ANKFN1: variants seen among roughly 807,000 people sequenced by gnomAD.
The protein encoded by ANKFN1 is ankyrin repeat and fibronectin type III domain containing 1.
ANKFN1 carries 74 observed loss-of-function variants against 108.7 expected under a neutral mutation model. The observed-to-expected ratio is 0.68, with a 90% CI of 0.56 to 0.83. ANKFN1 has a LOEUF of 0.83. Among genes scored for constraint, ANKFN1 ranks in the 40% least tolerant of loss-of-function variants. ANKFN1 has a pLI of 0.00. For missense variants in ANKFN1, 1,505 were observed against 1,382.3 expected, an observed-to-expected ratio of 1.09 and a Z score of -1.41; for synonymous variants, 547 against 516.2, an observed-to-expected ratio of 1.06 and a Z score of -0.81.
At chr17:56,110,612 G>GTGAAGGCAAAGTGAATGAATGAA (rs1188338957) in intron 4 of ANKFN1, among the ~76,000 whole-genome samples, 9 of 152,078 alleles carry the variant, frequency 5.9e-5, no homozygotes, top group African/African-American at 1.9e-4. Context: ...GAACAAATGA[G>GTGAAGGCAAAGTGAATGAATGAA]TGAAGGCAAA....
chr17:56,466,557 C>T lies in ANKFN1; in HGVS notation c.1759C>T (p.Leu587=). ...GGAGCCAACAGCTTTAGACATTCTA[C>T]TGATAACCATCCAGGTATGTAGTTT... The part of the protein sequence containing the change: ...PEEPTALDIL[L]ITIQDILSYH... The change falls in exon 15 of 21, where the codon CTG becomes TTG. Residue 587 remains leucine, a synonymous_variant. Transcript: ENST00000682825. The T allele has an allele frequency of 6.2e-7, 1 of 1,610,876 alleles. No individual in the cohort carries two copies.
At chr17:56,175,999 T>G (rs1417552866) in intron 1 of ANKFN1, among the ~76,000 whole-genome samples, 2 of 151,886 alleles carry the variant, frequency 1.3e-5, no homozygotes, top group East Asian at 3.9e-4. Context: ...AAAAATACCT[T>G]TTTTATGATC....
At chr17:56,264,924 C>T (rs1426634041) in intron 3 of ANKFN1, among the ~76,000 whole-genome samples, 11 of 152,026 alleles carry the variant, frequency 7.2e-5, no homozygotes, top group Non-Finnish European at 1.5e-4. Flanking sequence ...ACAGCATTAC[C>T]CTTCCCCAGC....
At chr17:56,074,580 C>A (rs947876058) in intron 4 of ANKFN1, among the ~76,000 whole-genome samples, 2 of 152,204 alleles carry the variant, frequency 1.3e-5, no homozygotes, top group African/African-American at 4.8e-5. Context: ...CCCTGCTCCA[C>A]GAGCCTGAGA....
chr17:56,508,353 T>TA (rs2051636912), intron 20 of ANKFN1, among the ~76,000 whole-genome samples: 2 of 152,216 alleles, frequency 1.3e-5, no homozygotes, highest in African/African-American at 4.8e-5. Flanking sequence ...CCTACCTTTT[T>TA]AAAAATTAAA....
intron 8 of ANKFN1, among the ~76,000 whole-genome samples, chr17:56,425,389 A>T (rs932536577): frequency 3.9e-5 from 6 of 152,202 alleles, no homozygotes; most frequent in African/African-American, 1.4e-4. Context: ...CTTTAACTAC[A>T]GCATTGACTC....
In ANKFN1 at chr17:56,177,559, C is replaced by G. The variant is rs375677875; in HGVS notation, c.-71+24029C>G. ...GAATTTTCCTGCTTTGGCTGATGCT[C>G]AAGCCCACACATCAGTGACTCCCAC... On this transcript the variant is annotated intron_variant, in intron 1 of 20. Transcript: ENST00000682825. 9.2e-5 allele frequency among the ~76,000 whole-genome samples: 14 copies of G among 152,310 alleles called. No homozygotes were observed. The East Asian group carries it at 9.7e-4, about 11-fold the overall frequency.
chr17:56,365,095 A>G (rs4794636), intron 6 of ANKFN1, among the ~76,000 whole-genome samples: 113,819 of 152,094 alleles, frequency 0.75, 42,793 homozygotes, highest in East Asian at 0.96. Flanking sequence ...ACAAGTCAGT[A>G]GTGAAGTTGT....
At chr17:56,490,856 C>A (rs2051013881) in intron 18 of ANKFN1, among the ~76,000 whole-genome samples, 1 of 152,068 alleles carries the variant, frequency 6.6e-6, no homozygotes, top group South Asian at 2.1e-4. Context: ...CACACTCTCA[C>A]CCCATTCTTC....
Position 56,477,485 on chromosome 17 carries a change from C to T in ANKFN1, c.1774-3C>T, listed in dbSNP as rs758730035. Reference sequence around the variant, plus strand: ...CTTTTTTTTTTTTTTTTTAACCCTACAGGATATTCTATCCTATCACAAAAG... The same window carrying T: ...CTTTTTTTTTTTTTTTTTAACCCTATAGGATATTCTATCCTATCACAAAAG... On this transcript the variant is annotated splice_polypyrimidine_tract_variant and splice_region_variant and intron_variant, in intron 15 of 20. Transcript: ENST00000682825. The T allele has an allele frequency of 2.2e-6, 3 of 1,372,764 alleles. No homozygotes were observed. The Admixed American group carries it at 6.4e-5, about 29-fold the overall frequency. 85.0% of individuals were successfully genotyped at this position (1,372,764 alleles called of 1,614,324 possible). A position where few individuals can be genotyped will look rare whatever the true frequency, so the allele number is the denominator to read the frequency against.
upstream of ANKFN1, among the ~76,000 whole-genome samples, chr17:56,151,626 A>G (rs887553877): frequency 6.6e-6 from 1 of 152,190 alleles, no homozygotes; most frequent in Non-Finnish European, 1.5e-5. Flanking sequence ...CGTACCATGC[A>G]AGCCTAACTG....
At chr17:56,138,162 A>G (rs1347855009) in intron 4 of ANKFN1, among the ~76,000 whole-genome samples, 1 of 152,248 alleles carries the variant, frequency 6.6e-6, no homozygotes, top group Non-Finnish European at 1.5e-5. Context: ...AGGAATACTG[A>G]GAGTTAACAC....
chr17:56,108,733 A>G (rs766335582), intron 4 of ANKFN1, among the ~76,000 whole-genome samples: 14 of 152,250 alleles, frequency 9.2e-5, no homozygotes, highest in Non-Finnish European at 2.1e-4. Context: ...AAGTACTAGA[A>G]TTAGCACTAG....
chr17:56,383,243 G>A (rs534449171), intron 8 of ANKFN1, among the ~76,000 whole-genome samples: 4 of 152,176 alleles, frequency 2.6e-5, no homozygotes, highest in East Asian at 3.9e-4. Context: ...GGTACATAAC[G>A]AAATGAAGGC....
intron 4 of ANKFN1, among the ~76,000 whole-genome samples, chr17:56,135,224 G>A (rs1193353711): frequency 6.6e-6 from 1 of 152,110 alleles, no homozygotes; most frequent in Non-Finnish European, 1.5e-5. Context: ...CTACCTTAAA[G>A]CTGCAATGAT....
At chr17:56,385,803 T>C (rs2047247425) in intron 8 of ANKFN1, among the ~76,000 whole-genome samples, 1 of 152,126 alleles carries the variant, frequency 6.6e-6, no homozygotes, top group South Asian at 2.1e-4. Flanking sequence ...ATGGCAATCA[T>C]TAAAAAGTCA....
intron 4 of ANKFN1, among the ~76,000 whole-genome samples, chr17:56,347,064 AT>A (rs1476853963): frequency 1.3e-5 from 2 of 151,328 alleles, no homozygotes; most frequent in Non-Finnish European, 1.5e-5. Flanking sequence ...ATGTTTTTTT[AT>A]TTTTTTATTT....
At chr17:56,498,118 C>A (rs2051257703) in intron 19 of ANKFN1, among the ~76,000 whole-genome samples, 2 of 151,954 alleles carry the variant, frequency 1.3e-5, no homozygotes, top group Non-Finnish European at 2.9e-5. Context: ...AATGGAACAA[C>A]CTAAAATGGA....
intron 1 of ANKFN1, among the ~76,000 whole-genome samples, chr17:56,168,697 G>T (rs1235854988): frequency 1.3e-5 from 2 of 152,096 alleles, no homozygotes; most frequent in Admixed American, 6.6e-5. Context: ...TTTCACAAAC[G>T]CTTTTAGAAT....
Sources: gnomAD v4.1 joint callset for allele counts (sites outside exome capture counted in the v4.1 genomes callset) on GRCh38, gnomAD v4.1.1 for gene constraint, MANE v1.5 for transcripts, NCBI Gene and HGNC (gene_info 2026-07-23, HGNC 2026-07-21) for gene names.